Variants in TAFA1 observed in about 807,000 individuals in gnomAD.
The protein encoded by TAFA1 is TAFA chemokine like family member 1.
Under a neutral mutation model 18.5 loss-of-function variants are expected in TAFA1, and 4 were observed. The ratio of observed to expected loss-of-function variants is 0.22; its 90% CI spans 0.11 to 0.49. TAFA1 has a LOEUF of 0.49. Among genes scored for constraint, TAFA1 ranks in the 20% least tolerant of loss-of-function variants. The pLI is 0.98. For missense variants in TAFA1, 147 were observed against 169.0 expected (o/e 0.87, Z 0.72); for synonymous variants, 56 against 55.2 (o/e 1.01, Z -0.06).
intron 2 of TAFA1, among the ~76,000 whole-genome samples, chr3:68,399,892 G>T (rs1010065779): frequency 1.3e-5 from 2 of 152,152 alleles, no homozygotes; most frequent in African/African-American, 4.8e-5. Flanking sequence ...GGTGTCACAA[G>T]GGCTGGGTTC....
intron 3 of TAFA1, among the ~76,000 whole-genome samples, chr3:68,452,930 A>AT (rs2071591012): frequency 6.6e-6 from 1 of 152,092 alleles, no homozygotes; most frequent in Non-Finnish European, 1.5e-5. Flanking sequence ...CTGAAGAGGG[A>AT]ATTGTAAATG....
chr3:68,177,450 C>G (rs915022029), intron 2 of TAFA1, among the ~76,000 whole-genome samples: 1 of 152,154 alleles, frequency 6.6e-6, no homozygotes, highest in Non-Finnish European at 1.5e-5. Flanking sequence ...TACTACCTTG[C>G]TCTTTTGAAG....
Position 68,539,023 on chromosome 3 carries a change from G to A in TAFA1, c.384+143G>A, listed in dbSNP as rs1320064922. The A allele has an allele frequency of 1.0e-5, 8 of 779,320 alleles. 1 individual carries two copies. The highest frequency in any genetic ancestry group is 1.4e-5 in the Non-Finnish European group (7 of 508,340). The allele number at this position is 779,320 out of a possible 1,614,324, so 48.3% of individuals were successfully genotyped here. ...AAAGCATTCTGAACTATGCAGATCA[G>A]TGTCCATCCGTGAATGAGACGTTAG... On this transcript the variant is annotated intron_variant, in intron 4 of 4. Transcript: ENST00000478136.
intron 2 of TAFA1, among the ~76,000 whole-genome samples, chr3:68,237,142 T>C (rs1188931726): frequency 6.6e-6 from 1 of 152,204 alleles, no homozygotes; most frequent in African/African-American, 2.4e-5. Flanking sequence ...TTCTCAAGGT[T>C]CTGGAGACTG....
chr3:68,165,855 T>C (rs1406161463), intron 2 of TAFA1, among the ~76,000 whole-genome samples: 1 of 152,230 alleles, frequency 6.6e-6, no homozygotes, highest in Non-Finnish European at 1.5e-5. Flanking sequence ...CAGCATCTAC[T>C]GCAGTGCCTG....
intron 2 of TAFA1, among the ~76,000 whole-genome samples, chr3:68,283,642 A>G (rs2067942661): frequency 6.6e-6 from 1 of 151,974 alleles, no homozygotes; most frequent in African/African-American, 2.4e-5. Context: ...ACTTAATTAG[A>G]TTCAAAATTA....
intron 3 of TAFA1, among the ~76,000 whole-genome samples, chr3:68,523,541 A>G (rs1026752088): frequency 6.6e-6 from 1 of 152,210 alleles, no homozygotes; most frequent in Admixed American, 6.5e-5. Flanking sequence ...CCTGTCATCA[A>G]TTGCTTGATT....
intron 2 of TAFA1, among the ~76,000 whole-genome samples, chr3:68,105,345 C>T (rs1051871236): frequency 6.6e-6 from 1 of 152,108 alleles, no homozygotes; most frequent in African/African-American, 2.4e-5. Context: ...TGAGACTTTG[C>T]AAATGGACAG....
At chr3:68,093,470 C>T (rs1007772926) in intron 2 of TAFA1, among the ~76,000 whole-genome samples, 7 of 152,096 alleles carry the variant, frequency 4.6e-5, no homozygotes, top group Non-Finnish European at 1.0e-4. Context: ...TAAATTTCAA[C>T]TACTATTTAT....
intron 2 of TAFA1, among the ~76,000 whole-genome samples, chr3:68,298,514 A>C (rs138833382): frequency 6.6e-6 from 1 of 152,256 alleles, no homozygotes; most frequent in African/African-American, 2.4e-5. Context: ...AAAAACACTT[A>C]TATGGTTTAG....
chr3:68,228,100 G>A (rs991794635), intron 2 of TAFA1, among the ~76,000 whole-genome samples: 1 of 152,160 alleles, frequency 6.6e-6, no homozygotes, highest in Non-Finnish European at 1.5e-5. Flanking sequence ...TTGCTCATCT[G>A]TGAAAACTGG....
intron 3 of TAFA1, among the ~76,000 whole-genome samples, chr3:68,456,180 C>A (rs970376069): frequency 5.9e-5 from 9 of 152,208 alleles, no homozygotes; most frequent in African/African-American, 2.2e-4. Context: ...TCTTGCACAA[C>A]AAAAAGCCTG....
At chr3:68,524,152 G>T (rs2073069767) in intron 3 of TAFA1, among the ~76,000 whole-genome samples, 1 of 152,114 alleles carries the variant, frequency 6.6e-6, no homozygotes, top group African/African-American at 2.4e-5. Context: ...GAATCAGGGT[G>T]GCCTCTGTCA....
At chr3:68,358,040 C>T (rs185441160) in intron 2 of TAFA1, among the ~76,000 whole-genome samples, 1 of 152,018 alleles carries the variant, frequency 6.6e-6, no homozygotes, top group East Asian at 1.9e-4. Flanking sequence ...GGATTATCAG[C>T]AGATTGTTTT....
chr3:68,021,061 C>CTG (rs1403760930), intron 2 of TAFA1, among the ~76,000 whole-genome samples: 2 of 151,662 alleles, frequency 1.3e-5, no homozygotes, highest in African/African-American at 4.8e-5. Context: ...TGGCATGTGC[C>CTG]TGTAATCCCA....
chr3:68,260,651 C>G (rs1309950402), intron 2 of TAFA1, among the ~76,000 whole-genome samples: 3 of 151,900 alleles, frequency 2.0e-5, no homozygotes, highest in Non-Finnish European at 2.9e-5. Context: ...ACAAACCTGA[C>G]AAAAACAAGA....
intron 3 of TAFA1, among the ~76,000 whole-genome samples, chr3:68,471,886 T>C (rs2072002791): frequency 6.6e-6 from 1 of 152,172 alleles, no homozygotes; most frequent in Non-Finnish European, 1.5e-5. Flanking sequence ...ACTATCTGAG[T>C]GTACCCCCAT....
At chr3:68,267,044 A>G (rs2107216769) in intron 2 of TAFA1, among the ~76,000 whole-genome samples, 1 of 152,246 alleles carries the variant, frequency 6.6e-6, no homozygotes, top group African/African-American at 2.4e-5. Context: ...CCTGCATGCA[A>G]ATAATCCTCC....
chr3:68,527,509 C>A (rs1247193517), intron 3 of TAFA1, among the ~76,000 whole-genome samples: 1 of 152,072 alleles, frequency 6.6e-6, no homozygotes, highest in Non-Finnish European at 1.5e-5. Flanking sequence ...AATACAAAAA[C>A]AGTTTTGTTA....
Sources: gnomAD v4.1 joint callset for allele counts (sites outside exome capture counted in the v4.1 genomes callset) on GRCh38, gnomAD v4.1.1 for gene constraint, MANE v1.5 for transcripts, NCBI Gene and HGNC (gene_info 2026-07-23, HGNC 2026-07-21) for gene names.